DIAPH1: variants seen among roughly 807,000 people sequenced by gnomAD.
DIAPH1 encodes the protein diaphanous related formin 1, also known as protein diaphanous homolog 1.
Under a neutral mutation model 140.7 loss-of-function variants are expected in DIAPH1, and 46 were observed. The observed-to-expected ratio is 0.33, with a 90% CI of 0.26 to 0.42. The LOEUF is 0.42. DIAPH1 is among the 10% of genes least tolerant of loss of function. DIAPH1 has a pLI of 1.00. For missense variants in DIAPH1, 1,310 were observed against 1,558.7 expected (o/e 0.84, Z 2.69); for synonymous variants, 565 against 551.6 (o/e 1.02, Z -0.34).
intron 1 of DIAPH1, among the ~76,000 whole-genome samples, chr5:141,605,896 A>C (rs564478235): frequency 7.9e-5 from 12 of 152,284 alleles, no homozygotes; most frequent in Admixed American, 5.9e-4. Context: ...CCTAGAAGTA[A>C]GTAACGAACA....
Position 141,527,556 on chromosome 5 carries a change from C to G in DIAPH1, c.3273+17G>C. ...TCCCTTCCTAGGGAACAACTCCCTC[C>G]TTTCAAGAGAGGATATGGTCATTTT... On this transcript the variant is annotated intron_variant, in intron 24 of 27. Transcript: ENST00000389054. 1 of 1,613,564 alleles carries G rather than the reference C, an allele frequency of 6.2e-7. No homozygotes were observed.
intron 23 of DIAPH1, 148 bp from the exon 24 acceptor site, chr5:141,527,845 T>G: frequency 8.7e-6 from 9 of 1,036,048 alleles, no homozygotes; most frequent in Non-Finnish European, 1.2e-5. Context: ...TAGTTCCTTA[T>G]GTACTTTAGT....
At chr5:141,616,952 T>C (rs1180963430) in intron 1 of DIAPH1, among the ~76,000 whole-genome samples, 4 of 152,204 alleles carry the variant, frequency 2.6e-5, no homozygotes, top group Non-Finnish European at 5.9e-5. Context: ...GTTTCTCACC[T>C]TACAGTACCA....
At position 141,576,867 on chromosome 5, in the gene DIAPH1, G is replaced by A; in HGVS notation, c.1285C>T (p.Gln429Ter). 1 of 1,573,452 alleles carries A rather than the reference G, an allele frequency of 6.4e-7. No individual in the cohort carries two copies. The highest frequency in any genetic ancestry group is 8.7e-7 in the Non-Finnish European group (1 of 1,143,066). Residue 429 changes from glutamine (Q) to a stop codon, truncating the protein, a stop_gained, in exon 13 of 28, where the codon CAG (glutamine) becomes TAG (stop). Transcript: ENST00000389054. LOFTEE classifies it high-confidence loss of function. ...CATTCTTCAATCAACTTATAGTACTGAGGTCTACAAGAGAATAAAAACAGG... is the reference window on the plus strand; with the variant it reads ...CATTCTTCAATCAACTTATAGTACTAAGGTCTACAAGAGAATAAAAACAGG... ...LVRNDYEARP[Q>*]YYKLIEECIS... is the part of the protein sequence containing the mutation.
At chr5:141,544,367 T>C (rs951254459) in intron 18 of DIAPH1, among the ~76,000 whole-genome samples, 6 of 151,284 alleles carry the variant, frequency 4.0e-5, no homozygotes, top group Admixed American at 6.6e-5. Flanking sequence ...AAAAGAAAAA[T>C]TGATGAAGCA....
intron 18 of DIAPH1, among the ~76,000 whole-genome samples, chr5:141,554,705 T>G (rs552478410): frequency 6.6e-6 from 1 of 152,310 alleles, no homozygotes; most frequent in East Asian, 1.9e-4. Context: ...ACAGATCACA[T>G]TCAAGTTAGA....
chr5:141,546,801 T>C (rs1218981802), intron 18 of DIAPH1, among the ~76,000 whole-genome samples: 2 of 152,230 alleles, frequency 1.3e-5, no homozygotes, highest in Non-Finnish European at 2.9e-5. Flanking sequence ...TAGATCAAGC[T>C]TTTCCAAAAC....
chr5:141,617,742 C>T (rs1381481871), intron 1 of DIAPH1, among the ~76,000 whole-genome samples: 1 of 151,968 alleles, frequency 6.6e-6, no homozygotes, highest in Non-Finnish European at 1.5e-5. Flanking sequence ...GCTTTTATAG[C>T]AAAAAAGCAA....
At chr5:141,519,083 T>C in intron 27 of DIAPH1, 1 of 1,253,260 alleles carries the variant, frequency 8.0e-7, no homozygotes. Flanking sequence ...TGCCCGAGAC[T>C]GTGGGATTTT....
chr5:141,551,135 G>A (rs564209141), intron 18 of DIAPH1, among the ~76,000 whole-genome samples: 6 of 152,198 alleles, frequency 3.9e-5, no homozygotes, highest in African/African-American at 9.6e-5. Context: ...CAACTGTACC[G>A]CATTTATGGA....
At chr5:141,582,156 A>G (rs1473072333) in intron 7 of DIAPH1, 156 bp downstream of exon 7, 3 of 650,790 alleles carry the variant, frequency 4.6e-6, no homozygotes, top group Admixed American at 2.6e-5. Flanking sequence ...TATCCACAGA[A>G]GCATGTATAT....
At chr5:141,580,974 T>C (rs767977203) in intron 7 of DIAPH1, 91 bp from the exon 8 acceptor site, 12 of 1,518,968 alleles carry the variant, frequency 7.9e-6, no homozygotes, top group African/African-American at 1.4e-5. Flanking sequence ...TTGAATGGTG[T>C]CCTCTTAAAT....
chr5:141,577,112 A>G (rs1011867128), intron 12 of DIAPH1, among the ~76,000 whole-genome samples: 1 of 152,188 alleles, frequency 6.6e-6, no homozygotes, highest in Non-Finnish European at 1.5e-5. Context: ...ATACTTTCCC[A>G]TCTAAAAATT....
chr5:141,599,676 A>G (rs2099899840), intron 1 of DIAPH1, among the ~76,000 whole-genome samples: 1 of 152,014 alleles, frequency 6.6e-6, no homozygotes, highest in African/African-American at 2.4e-5. Flanking sequence ...ATACACTCCT[A>G]CTTCTCTCTT....
At chr5:141,576,333 C>A (rs779635694) in intron 13 of DIAPH1, 39 bp from the exon 14 acceptor site, 27 of 1,490,530 alleles carry the variant, frequency 1.8e-5, no homozygotes, top group Non-Finnish European at 2.4e-5. Context: ...GCTCCTAATT[C>A]TCTTGTTCTA....
intron 18 of DIAPH1, chr5:141,560,975 C>T (rs1388437729): frequency 2.2e-6 from 1 of 453,544 alleles, no homozygotes; most frequent in East Asian, 7.0e-5. Context: ...ACCGCCATCT[C>T]TGTTACTGAA....
At chr5:141,560,965 AC>A in intron 18 of DIAPH1, 1 of 454,402 alleles carries the variant, frequency 2.2e-6, no homozygotes, top group Non-Finnish European at 4.4e-6. Context: ...AGATGGGAGG[AC>A]CGCCATCTCT....
intron 27 of DIAPH1, among the ~76,000 whole-genome samples, chr5:141,522,085 C>A (rs2099886636): frequency 6.6e-6 from 1 of 152,178 alleles, no homozygotes; most frequent in Non-Finnish European, 1.5e-5. Flanking sequence ...TAATGTGAGA[C>A]CGCATCACAT....
chr5:141,558,649 G>A (rs1426577536), intron 18 of DIAPH1, among the ~76,000 whole-genome samples: 1 of 152,148 alleles, frequency 6.6e-6, no homozygotes, highest in Non-Finnish European at 1.5e-5. Flanking sequence ...AAAGCCTGCA[G>A]CATTTGTACC....
Sources: allele counts gnomAD v4.1 joint callset (sites outside exome capture counted in the v4.1 genomes callset), GRCh38; gene constraint gnomAD v4.1.1; transcripts MANE v1.5; gene names NCBI Gene and HGNC (gene_info 2026-07-23, HGNC 2026-07-21).